Variants in TP73 observed in about 807,000 individuals in gnomAD.
TP73 encodes tumor protein p73, also known as p53-like transcription factor.
In TP73, 25 loss-of-function variants were observed where a neutral mutation model predicts 62.5. The ratio of observed to expected loss-of-function variants is 0.40; its 90% confidence interval spans 0.29 to 0.56. TP73 has a LOEUF of 0.56. Among genes scored for constraint, TP73 ranks in the 20% least tolerant of loss-of-function variants. The pLI, the probability that TP73 is intolerant of heterozygous loss-of-function variation, is 0.46. For synonymous variants in TP73, 423 were observed against 377.5 expected (o/e 1.12, Z -1.40); for missense variants, 754 against 913.3 (o/e 0.83, Z 2.25).
At position 3,683,084 on chromosome 1, in the gene TP73, C is replaced by T. The variant is rs1201841744; in HGVS notation, c.90C>T (p.Asp30=). The T allele has an allele frequency of 1.2e-6, 2 of 1,611,346 alleles. No homozygotes were observed. Among genetic ancestry groups the T allele is most frequent in the Non-Finnish European group, 1.7e-6 (2 of 1,178,062 alleles). Residue 30 remains aspartate, a synonymous_variant, in exon 3 of 14, where the codon GAC becomes GAT. Coordinates refer to ENST00000378295, the MANE Select transcript of TP73 (RefSeq NM_005427.4). ...GGGAACCAGACAGCACCTACTTCGA[C>T]CTTCCCCAGTCAAGCCGGGGGAATA... is the stretch of plus-strand genomic sequence containing the variant. The part of the protein sequence containing the change: ...SSLEPDSTYF[D]LPQSSRGNNE...
chr1:3,728,050 C>G (rs1046392142), intron 8 of TP73, 79 bp from the exon 9 acceptor site: 48 of 1,414,894 alleles, frequency 3.4e-5, no homozygotes, highest in Non-Finnish European at 4.4e-5. Context: ...AAGGGTGGGG[C>G]AGGTCTCCCT....
chr1:3,719,199 T>C (rs1037453935), intron 4 of TP73, among the ~76,000 whole-genome samples: 1 of 151,958 alleles, frequency 6.6e-6, no homozygotes, highest in Non-Finnish European at 1.5e-5. Flanking sequence ...ATGGATGGCA[T>C]TTGTTGAGTA....
intron 6 of TP73, among the ~76,000 whole-genome samples, chr1:3,724,944 G>A (rs770614185): frequency 9.9e-5 from 15 of 152,178 alleles, no homozygotes; most frequent in Non-Finnish European, 1.5e-4. Flanking sequence ...GCTTGAACCC[G>A]GGAGGCAGAA....
rs1419779999 is a variant in TP73 at position 3,699,079 on chromosome 1, G to A, written c.187-8470G>A. Among the ~76,000 whole-genome samples, 2 of 152,058 alleles carry A rather than the reference G, an allele frequency of 1.3e-5. No homozygotes were observed. The highest frequency in any genetic ancestry group is 2.9e-5 in the Non-Finnish European group (2 of 67,992). Reference sequence around the variant, plus strand: ...AGAGCACAGGGTGCTGTGGGTGAGAGCAGAGGGTGCTGTGGATGAGAGCAG... The same window carrying A: ...AGAGCACAGGGTGCTGTGGGTGAGAACAGAGGGTGCTGTGGATGAGAGCAG... On this transcript the variant is annotated intron_variant, in intron 3 of 13. Transcript: ENST00000378295. The surrounding 1 kb of genome is among the most constrained non-coding windows in gnomAD (Gnocchi z 4.1).
At chr1:3,728,990 GAA>G (rs1491191151) in intron 9 of TP73, among the ~76,000 whole-genome samples, 1 of 103,542 alleles carries the variant, frequency 9.7e-6, no homozygotes, top group African/African-American at 2.8e-5. Flanking sequence ...GCTGTCGAAA[GAA>G]AGAGAGAGAG....
chr1:3,668,654 G>T (rs1645173856), intron 1 of TP73: 1 of 152,124 alleles, frequency 6.6e-6, no homozygotes, highest in South Asian at 2.1e-4. Context: ...GTGTATTACG[G>T]ATGAGACGGT....
At chr1:3,657,818 A>G (rs1246322214) in intron 1 of TP73, among the ~76,000 whole-genome samples, 5 of 152,140 alleles carry the variant, frequency 3.3e-5, no homozygotes, top group African/African-American at 1.2e-4. Context: ...CAGCCCCTGC[A>G]TCCTGGAAAA....
intron 10 of TP73, 65 bp downstream of exon 10, chr1:3,729,513 G>A: frequency 1.9e-6 from 3 of 1,607,234 alleles, no homozygotes; most frequent in South Asian, 1.1e-5. Context: ...CCCAGGAGAA[G>A]GCCAGGAGGA....
At chr1:3,707,408 A>T in intron 3 of TP73, 141 bp from the exon 4 acceptor site, 5 of 1,222,538 alleles carry the variant, frequency 4.1e-6, no homozygotes, top group South Asian at 2.9e-5. Context: ...GCCTGTTGGG[A>T]TGGGGGAGAG....
intron 1 of TP73, among the ~76,000 whole-genome samples, chr1:3,679,543 CTT>C (rs778753882): frequency 6.6e-6 from 1 of 151,734 alleles, no homozygotes; most frequent in Non-Finnish European, 1.5e-5. Context: ...CTCTGTCTCT[CTT>C]TGTCCTTGTC....
chr1:3,698,173 T>C, intron 3 of TP73: 1 of 964,082 alleles, frequency 1.0e-6, no homozygotes, highest in Non-Finnish European at 1.2e-6. Context: ...GGCAGACAGA[T>C]GGGCAGGGGC....
chr1:3,671,158 T>G (rs1645232111), intron 1 of TP73, among the ~76,000 whole-genome samples: 1 of 152,126 alleles, frequency 6.6e-6, no homozygotes, highest in Non-Finnish European at 1.5e-5. Flanking sequence ...CTGTCCAGGT[T>G]TCAGGGTTCC....
At chr1:3,659,047 C>T (rs4648544) in intron 1 of TP73, 78,953 of 150,464 alleles carry the variant, frequency 0.52, 21,505 homozygotes, top group South Asian at 0.61. Context: ...TACAGTCATA[C>T]TTTGGGGTGA....
intron 8 of TP73, 45 bp downstream of exon 8, chr1:3,727,815 G>A (rs1299328682): frequency 6.7e-7 from 1 of 1,483,458 alleles, no homozygotes; most frequent in Non-Finnish European, 9.0e-7. Flanking sequence ...GGAGGAGAAG[G>A]GGACACATTG....
intron 1 of TP73, among the ~76,000 whole-genome samples, chr1:3,674,793 G>T (rs561380632): frequency 6.6e-6 from 1 of 152,192 alleles, no homozygotes; most frequent in African/African-American, 2.4e-5. Flanking sequence ...CCAGGAGGCT[G>T]GGCTCTGATG....
intron 1 of TP73, among the ~76,000 whole-genome samples, chr1:3,677,423 C>A (rs1330611498): frequency 6.6e-6 from 1 of 152,158 alleles, no homozygotes; most frequent in Non-Finnish European, 1.5e-5. Context: ...GAAGTTGGGG[C>A]AGGGTCGAGG....
chr1:3,657,345 T>C lies in TP73; in HGVS notation c.-34+4704T>C, dbSNP rs182347725. ...CACCACCCAGTCTCTGCCACCATCT[T>C]GCCATGGCCTTCTCCTCTGTGTCCC... On this transcript the variant is annotated intron_variant, in intron 1 of 13. Transcript: ENST00000378295. Among the ~76,000 whole-genome samples the C allele has an allele frequency of 4.1e-3, 617 of 152,336 alleles. 6 individuals are homozygous for C. Among genetic ancestry groups the C allele is most frequent in the African/African-American group, 0.014 (590 of 41,574 alleles).
intron 1 of TP73, among the ~76,000 whole-genome samples, chr1:3,668,148 G>T (rs1645161940): frequency 6.6e-6 from 1 of 152,216 alleles, no homozygotes; most frequent in Non-Finnish European, 1.5e-5. Context: ...ATGAACTAGG[G>T]GTGGGGGAGG....
At chr1:3,694,741 C>T (rs71202811) in intron 3 of TP73, among the ~76,000 whole-genome samples, 94 of 16,062 alleles carry the variant, frequency 5.9e-3, no homozygotes, top group African/African-American at 9.0e-3. Context: ...CCCCTCCTCC[C>T]GCAATCCCAG....
Sources: allele counts gnomAD v4.1 joint callset (sites outside exome capture counted in the v4.1 genomes callset), GRCh38; gene constraint gnomAD v4.1.1; non-coding constraint Gnocchi (gnomAD v3.1); transcripts MANE v1.5; gene names NCBI Gene and HGNC (gene_info 2026-07-23, HGNC 2026-07-21).